The following BAK1 variants were observed in gnomAD, a reference collection of about 807,000 sequenced individuals.
BAK1 encodes bcl-2 homologous antagonist/killer.
In BAK1, 19 loss-of-function variants were observed where a neutral mutation model predicts 24.7. The ratio of observed to expected loss-of-function variants is 0.77; its 90% CI spans 0.54 to 1.13. BAK1 has a LOEUF of 1.13. Among genes scored for constraint, BAK1 ranks in the 50% most tolerant of loss-of-function variants. The probability of loss-of-function intolerance (pLI) is 0.00; values close to 1 mark genes in which losing one functional copy is unlikely to be tolerated. For synonymous variants in BAK1, 86 were observed against 107.3 expected, an observed-to-expected ratio of 0.80 and a Z score of 1.23; for missense variants, 194 against 279.4, an observed-to-expected ratio of 0.69 and a Z score of 2.18.
chr6:33,573,899 G>T lies in BAK1; in HGVS notation c.540C>A (p.Ala180=). 6.2e-7 allele frequency: 1 copy of T among 1,614,142 alleles called. No individual in the cohort carries two copies. Among genetic ancestry groups the T allele is most frequent in the Non-Finnish European group, 8.5e-7 (1 of 1,180,020 alleles). Residue 180 remains alanine (A), a synonymous_variant, in exon 6 of 6, where the codon GCC becomes GCA. Coordinates refer to ENST00000374467, the MANE Select transcript of BAK1 (RefSeq NM_001188.4). ...GGATGGGACCATTGCCCAAGTTCAG[G>T]GCTGCCACCTGCCGGGAGAAACAAG... The part of the protein sequence containing the change: ...WIAQRGGWVA[A]LNLGNGPILN...
In BAK1 at chr6:33,573,869, G is replaced by A. The variant is rs769479388; in HGVS notation, c.570C>T (p.Asn190=). ...ALNLGNGPIL[N]VLVVLGVVLL... is the part of the protein sequence containing the mutation. ...GAACCACACCCAGAACCACCAGCAC[G>A]TTCAGGATGGGACCATTGCCCAAGT... Residue 190 remains asparagine (N), a synonymous_variant, in exon 6 of 6, where the codon AAC becomes AAT. Coordinates refer to ENST00000374467, the MANE Select transcript of BAK1 (RefSeq NM_001188.4). 20 of 1,614,090 alleles carry A rather than the reference G, an allele frequency of 1.2e-5. 1 individual carries two copies. The highest frequency in any genetic ancestry group is 4.5e-5 in the East Asian group (2 of 44,884).
chr6:33,574,680 C>A (rs902993635), intron 4 of BAK1, among the ~76,000 whole-genome samples: 1 of 152,218 alleles, frequency 6.6e-6, no homozygotes, highest in Non-Finnish European at 1.5e-5. Context: ...CCTACCTTCA[C>A]CTCCAGTTTC....
Position 33,578,135 on chromosome 6 carries a change from G to A in BAK1, c.-31-500C>T, listed in dbSNP as rs1333865756. On this transcript the variant is annotated intron_variant, in intron 1 of 5. Coordinates refer to ENST00000374467, the MANE Select transcript of BAK1 (RefSeq NM_001188.4). This position sits in a 1 kb window ranked among gnomAD's most constrained non-coding sequence, Gnocchi z 4.8. ...CACCCAGCACATGCTTATTGCAAGC[G>A]AGCCACTGCCCAGCCAATGGCCCAT... 2.0e-5 allele frequency among the ~76,000 whole-genome samples: 3 copies of A among 152,310 alleles called. No individual in the cohort carries two copies. The highest frequency in any genetic ancestry group is 7.2e-5 in the African/African-American group (3 of 41,552).
intron 2 of BAK1, among the ~76,000 whole-genome samples, chr6:33,576,273 G>A (rs1301898810): frequency 1.3e-5 from 2 of 150,402 alleles, no homozygotes; most frequent in African/African-American, 4.9e-5. Context: ...GGAGGTTGCG[G>A]TGAGCGGAGA....
rs1762833002 is a variant in BAK1, at chr6:33,575,687, G to A, written c.206+106C>T. On this transcript the variant is annotated intron_variant, in intron 3 of 5. Coordinates refer to ENST00000374467, the MANE Select transcript of BAK1 (RefSeq NM_001188.4). The surrounding 1 kb of genome is among the most constrained non-coding windows in gnomAD (Gnocchi z 6.3). ...TAAAAGAGGAGCAACCATGAGAGAA[G>A]GGCAAGACCCCCGAGGCCTCCCCAG... 1 of 1,502,334 alleles carries A rather than the reference G, an allele frequency of 6.7e-7. No individual in the cohort carries two copies. Among genetic ancestry groups the A allele is most frequent in the Non-Finnish European group, 9.0e-7 (1 of 1,116,408 alleles). The allele number at this position is 1,502,334 out of a possible 1,614,324, so 93.1% of individuals were successfully genotyped here.
chr6:33,576,569 C>T (rs567305451), intron 2 of BAK1, among the ~76,000 whole-genome samples: 1 of 149,000 alleles, frequency 6.7e-6, no homozygotes, highest in Admixed American at 6.7e-5. Flanking sequence ...GGAGTTGGAG[C>T]TTGCAGTGAG....
rs375153092 is a variant in BAK1 at position 33,575,743 on chromosome 6, G to A, written c.206+50C>T. On this transcript the variant is annotated intron_variant, in intron 3 of 5. Coordinates refer to ENST00000374467, the MANE Select transcript of BAK1 (RefSeq NM_001188.4). This position sits in a 1 kb window ranked among gnomAD's most constrained non-coding sequence, Gnocchi z 6.3. The stretch of plus-strand genomic sequence containing the variant: ...AGGACCTGCACAGAGACCCATGCGA[G>A]CTACTGCCTCCCTGAAGATGTCCTT... The A allele has an allele frequency of 6.2e-7, 1 of 1,600,522 alleles. No individual in the cohort carries two copies.
chr6:33,574,310 A>G, intron 4 of BAK1, 96 bp from the exon 5 acceptor site: 2 of 1,502,162 alleles, frequency 1.3e-6, no homozygotes, highest in African/African-American at 1.4e-5. Flanking sequence ...TGGAAGCTAA[A>G]TAGCTTAGCT....
rs375089143 is a variant in BAK1 at position 33,577,640 on chromosome 6, G to T, written c.-31-5C>A. 22 of 1,448,432 alleles carry T rather than the reference G, an allele frequency of 1.5e-5. No individual in the cohort carries two copies. Among genetic ancestry groups the T allele is most frequent in the Non-Finnish European group, 2.1e-5 (22 of 1,062,430 alleles). 89.7% of individuals were successfully genotyped at this position (1,448,432 alleles called of 1,614,324 possible). A position where few individuals can be genotyped will look rare whatever the true frequency, so the allele number is the denominator to read the frequency against. On this transcript the variant is annotated splice_polypyrimidine_tract_variant and splice_region_variant and intron_variant, in intron 1 of 5. Transcript: ENST00000374467. This position sits in a 1 kb window ranked among gnomAD's most constrained non-coding sequence, Gnocchi z 4.6. ...TCAGTGGAGGACGGGATCAGCCTGC[G>T]GGGAAGGGCGAGAAAAAGCAGAGAT...
Position 33,573,911 on chromosome 6 carries a change from C to A in BAK1, c.532-4G>T. The A allele has an allele frequency of 6.2e-7, 1 of 1,614,166 alleles. No individual in the cohort carries two copies. The highest frequency in any genetic ancestry group is 1.6e-4 in the Middle Eastern group (1 of 6,062). On this transcript the variant is annotated splice_region_variant and splice_polypyrimidine_tract_variant and intron_variant, in intron 5 of 5. Transcript: ENST00000374467. Reference sequence around the variant, plus strand: ...TGCCCAAGTTCAGGGCTGCCACCTGCCGGGAGAAACAAGGTGGTCACAGAG... The same window carrying A: ...TGCCCAAGTTCAGGGCTGCCACCTGACGGGAGAAACAAGGTGGTCACAGAG...
At chr6:33,579,048 T>C (rs210141) in intron 1 of BAK1, among the ~76,000 whole-genome samples, 71,229 of 152,062 alleles carry the variant, frequency 0.47, 17,486 homozygotes, top group East Asian at 0.77. Context: ...AGGGACAGGG[T>C]GAAGGCAGAC....
intron 4 of BAK1, chr6:33,574,569 T>C (rs1178644421): frequency 7.5e-7 from 1 of 1,340,286 alleles, no homozygotes; most frequent in East Asian, 4.5e-5. Context: ...CAGAAAAGAT[T>C]AGGGTAGTTC....
rs1762798321 is a variant in BAK1 at position 33,573,728 on chromosome 6, G to T, written c.*75C>A. The T allele has an allele frequency of 4.4e-6, 5 of 1,135,560 alleles. No individual in the cohort carries two copies. In the South Asian group the frequency reaches 6.8e-5, roughly 15 times the overall value. The allele number at this position is 1,135,560 out of a possible 1,614,324, so 70.3% of individuals were successfully genotyped here. A position where few individuals can be genotyped will look rare whatever the true frequency, so the allele number is the denominator to read the frequency against. On this transcript the variant is annotated 3_prime_UTR_variant, in exon 6 of 6. Coordinates refer to ENST00000374467, the MANE Select transcript of BAK1 (RefSeq NM_001188.4). ...CTCTTGAGGGGGGACCCCTGCAAGG[G>T]AACAGAGAAGGCAAAGACTTCGCTT...
Position 33,574,154 on chromosome 6 carries a change from ACGGTAGC to A in BAK1, c.404_410del (p.Gly135ValfsTer11), listed in dbSNP as rs1348259290. ...CATGCTGGTAGACGTGTAGGGCCAG[ACGGTAGC>A]CGAAGCCCAGAAGAGCCACCACACG... On this transcript the variant is annotated frameshift_variant, in exon 5 of 6. Transcript: ENST00000374467. LOFTEE classifies it high-confidence loss of function. 6.2e-7 allele frequency: 1 copy of A among 1,613,986 alleles called. No individual in the cohort carries two copies. Among genetic ancestry groups the A allele is most frequent in the Non-Finnish European group, 8.5e-7 (1 of 1,180,022 alleles).
Position 33,575,661 on chromosome 6 carries a change from A to G in BAK1, c.206+132T>C. 2.8e-6 allele frequency: 4 copies of G among 1,435,686 alleles called. No homozygotes were observed. Among genetic ancestry groups the G allele is most frequent in the East Asian group, 4.6e-5 (2 of 43,774 alleles). The allele number at this position is 1,435,686 out of a possible 1,614,324, so 88.9% of individuals were successfully genotyped here. On this transcript the variant is annotated intron_variant, in intron 3 of 5. Transcript: ENST00000374467. The surrounding 1 kb of genome is among the most constrained non-coding windows in gnomAD (Gnocchi z 6.3). ...TCCTGGATGGGGGTGGGAGCCCAAC[A>G]TAAAAGAGGAGCAACCATGAGAGAA...
rs2151257992 is a variant in BAK1, at chr6:33,578,817, C to T, written c.-31-1182G>A. Among the ~76,000 whole-genome samples the T allele has an allele frequency of 6.6e-6, 1 of 152,338 alleles. No homozygotes were observed. The highest frequency in any genetic ancestry group is 1.9e-4 in the East Asian group (1 of 5,180). Reference sequence around the variant, plus strand: ...GCCTCCAGCCCTCAGAAGGAGAGCGCCCTCCTCCTATCCCAGAGGGAGGGG... The same window carrying T: ...GCCTCCAGCCCTCAGAAGGAGAGCGTCCTCCTCCTATCCCAGAGGGAGGGG... On this transcript the variant is annotated intron_variant, in intron 1 of 5. Coordinates refer to ENST00000374467, the MANE Select transcript of BAK1 (RefSeq NM_001188.4). The surrounding 1 kb of genome is among the most constrained non-coding windows in gnomAD (Gnocchi z 4.8).
chr6:33,576,032 GGAAA>G, intron 2 of BAK1, 104 bp from the exon 3 acceptor site: 1 of 1,518,604 alleles, frequency 6.6e-7, no homozygotes, highest in South Asian at 1.3e-5. Flanking sequence ...CCTCACCCAT[GGAAA>G]GAAATATCCC....
chr6:33,574,094 G>C lies in BAK1; in HGVS notation c.471C>G (p.Phe157Leu), dbSNP rs763678915. The change falls in exon 5 of 6, where the codon TTC becomes TTG. Residue 157 changes from phenylalanine (F) to leucine (L), a missense_variant. Phe to Leu is a conservative substitution (Grantham distance 22). Coordinates refer to ENST00000374467, the MANE Select transcript of BAK1 (RefSeq NM_001188.4). ...LTGFLGQVTR[F>L]VVDFMLHHCI... ...AGTGATGCAGCATGAAGTCGACCAC[G>C]AAGCGGGTCACCTGGCCTAGGAAGC... The C allele has an allele frequency of 1.1e-5, 17 of 1,614,202 alleles. No homozygotes were observed. The highest frequency in any genetic ancestry group is 1.2e-5 in the Non-Finnish European group (14 of 1,180,040).
At chr6:33,576,903 T>C (rs1293252316) in intron 2 of BAK1, among the ~76,000 whole-genome samples, 3 of 152,178 alleles carry the variant, frequency 2.0e-5, no homozygotes, top group East Asian at 1.9e-4. Context: ...GCATTTGGGG[T>C]CCTGAGTCTA....
Sources: allele counts gnomAD v4.1 joint callset (sites outside exome capture counted in the v4.1 genomes callset), GRCh38; gene constraint gnomAD v4.1.1; non-coding constraint Gnocchi (gnomAD v3.1); transcripts MANE v1.5; gene names NCBI Gene and HGNC (gene_info 2026-07-23, HGNC 2026-07-21).